COL17A1: variants seen among roughly 807,000 people sequenced by gnomAD.
COL17A1 encodes the protein collagen alpha-1(XVII) chain.
A neutral mutation model predicts 218.4 loss-of-function variants in COL17A1; 181 were observed. The observed-to-expected ratio is 0.83, with a 90% confidence interval of 0.73 to 0.94. The LOEUF is 0.94. Among genes scored for constraint, COL17A1 ranks in the 40% least tolerant of loss-of-function variants. The probability of loss-of-function intolerance (pLI) is 0.00; values close to 1 mark genes in which losing one functional copy is unlikely to be tolerated. For missense variants in COL17A1, 1,924 were observed against 1,945.9 expected, an observed-to-expected ratio of 0.99 and a Z score of 0.21; for synonymous variants, 721 against 731.0, an observed-to-expected ratio of 0.99 and a Z score of 0.22.
chr10:104,059,734 A>G lies in COL17A1; in HGVS notation c.1142-16T>C, dbSNP rs1388642109. On this transcript the variant is annotated splice_polypyrimidine_tract_variant and intron_variant, in intron 14 of 55. Coordinates refer to ENST00000648076, the MANE Select transcript of COL17A1 (RefSeq NM_000494.4). ...GAAAAAGAAGCTATGTACAGAACCCATTATAACCTGGCATATTCTCTTCTC... is the reference window on the plus strand; with the variant it reads ...GAAAAAGAAGCTATGTACAGAACCCGTTATAACCTGGCATATTCTCTTCTC... The G allele has an allele frequency of 1.4e-5, 22 of 1,612,736 alleles. No individual in the cohort carries two copies. The highest frequency in any genetic ancestry group is 1.9e-5 in the Non-Finnish European group (22 of 1,178,778).
At position 104,035,496 on chromosome 10, in the gene COL17A1, C is replaced by T. The variant is rs2086270968; in HGVS notation, c.3486G>A (p.Glu1162=). ...GPPGLPGTSY[E]ELLSLLRGSE... ...TACCTCGCAGCAAGGAGAGGAGCTC[C>T]TCATAGGAGGTTCCCGGCAAGCCAG... is the stretch of plus-strand genomic sequence containing the variant. Residue 1162 remains glutamate (E), a synonymous_variant, in exon 49 of 56, where the codon GAG becomes GAA. Transcript: ENST00000648076. 2 of 1,613,866 alleles carry T rather than the reference C, an allele frequency of 1.2e-6. No individual in the cohort carries two copies. Among genetic ancestry groups the T allele is most frequent in the East Asian group, 4.5e-5 (2 of 44,866 alleles).
intron 41 of COL17A1, 79 bp from the exon 42 acceptor site, chr10:104,039,719 C>A: frequency 6.3e-7 from 1 of 1,593,948 alleles, no homozygotes; most frequent in South Asian, 1.1e-5. Flanking sequence ...TCCCCAAGAT[C>A]CATGATTGCT....
rs17116471 is a variant in COL17A1, at chr10:104,080,664, T to C, written c.10A>G (p.Thr4Ala). The C allele has an allele frequency of 7.6e-3, 12,307 of 1,613,286 alleles. 1,179 individuals carry two copies. In the Admixed American group the frequency reaches 0.16, roughly 21 times the overall value. The change falls in exon 2 of 56, where the codon ACC (threonine) becomes GCC (alanine). Residue 4 changes from threonine (T) to alanine (A), a missense_variant. By Grantham distance (58) the Thr-to-Ala change is moderately conservative. Transcript: ENST00000648076. MDV[T>A]KKNKRDGTEV... ...GTTCCATCTCGTTTGTTTTTCTTGG[T>C]TACATCCATACCATAGCCACCTGCA...
chr10:104,078,395 T>G, intron 3 of COL17A1, 147 bp downstream of exon 3: 1 of 1,019,788 alleles, frequency 9.8e-7, no homozygotes, highest in Non-Finnish European at 1.5e-6. Flanking sequence ...CACTTCAAAC[T>G]GGCGAATTCT....
chr10:104,083,858 T>C (rs540004275), intron 1 of COL17A1, among the ~76,000 whole-genome samples: 10 of 152,390 alleles, frequency 6.6e-5, no homozygotes, highest in Admixed American at 2.6e-4. Flanking sequence ...GTTCCTATAC[T>C]CTGCTAATGA....
At chr10:104,060,420 T>C (rs2086572919) in intron 13 of COL17A1, 140 bp from the exon 14 acceptor site, 2 of 1,289,716 alleles carry the variant, frequency 1.6e-6, no homozygotes, top group South Asian at 2.6e-5. Context: ...TCTCTTGTTC[T>C]TGCTGACAGT....
At chr10:104,050,598 C>T (rs1158454305) in intron 27 of COL17A1, 23 bp downstream of exon 27, 2 of 1,612,640 alleles carry the variant, frequency 1.2e-6, no homozygotes, top group Non-Finnish European at 1.7e-6. Context: ...CTGGTAATGA[C>T]AGAGCAGCAG....
In COL17A1 at chr10:104,036,536, A is replaced by G. The variant is rs2086300816; in HGVS notation, c.3374T>C (p.Leu1125Ser). ...GASGDGSLLS[L>S]DYAELSSRIL... is the part of the protein sequence containing the mutation. ...GCGACTACTCAGCTCTGCATAGTCCAAAGACAGGAGGGACCCATCTCCACT... is the reference window on the plus strand; with the variant it reads ...GCGACTACTCAGCTCTGCATAGTCCGAAGACAGGAGGGACCCATCTCCACT... Residue 1125 changes from leucine to serine, a missense_variant, in exon 48 of 56, where the codon TTG (leucine) becomes TCG (serine). Physicochemically the swap from Leu to Ser is moderately radical, Grantham distance 145 (BLOSUM62 -2). Coordinates refer to ENST00000648076, the MANE Select transcript of COL17A1 (RefSeq NM_000494.4). 1 of 1,613,984 alleles carries G rather than the reference A, an allele frequency of 6.2e-7. No individual in the cohort carries two copies. Among genetic ancestry groups the G allele is most frequent in the Non-Finnish European group, 8.5e-7 (1 of 1,179,942 alleles).
At chr10:104,061,560 C>A (rs1281689797) in intron 12 of COL17A1, 87 bp from the exon 13 acceptor site, 1 of 1,069,604 alleles carries the variant, frequency 9.3e-7, no homozygotes, top group Non-Finnish European at 1.4e-6. Context: ...AGAGGTACCC[C>A]CGACCCTCTC....
chr10:104,063,173 G>T (rs567500615), intron 11 of COL17A1, among the ~76,000 whole-genome samples: 1 of 152,174 alleles, frequency 6.6e-6, no homozygotes, highest in Non-Finnish European at 1.5e-5. Flanking sequence ...CATGGAGAAG[G>T]CAGACTCCTT....
At chr10:104,062,632 A>G (rs1486853321) in intron 11 of COL17A1, among the ~76,000 whole-genome samples, 1 of 152,210 alleles carries the variant, frequency 6.6e-6, no homozygotes, top group Non-Finnish European at 1.5e-5. Flanking sequence ...ATTTTAAAAT[A>G]TCATAGGGGT....
At chr10:104,078,508 T>C (rs779350126) in intron 3 of COL17A1, 34 bp downstream of exon 3, 25 of 1,614,036 alleles carry the variant, frequency 1.5e-5, no homozygotes, top group Non-Finnish European at 1.9e-5. Flanking sequence ...AAATGTGACC[T>C]ACTGAAAAGA....
At chr10:104,077,303 T>TGA in intron 4 of COL17A1, 119 bp downstream of exon 4, 6 of 770,230 alleles carry the variant, frequency 7.8e-6, no homozygotes, top group Non-Finnish European at 1.4e-5. Flanking sequence ...TGATTGTAAT[T>TGA]GTCCCTTTTG....
intron 22 of COL17A1, 37 bp downstream of exon 22, chr10:104,053,883 T>G: frequency 8.3e-7 from 1 of 1,198,032 alleles, no homozygotes; most frequent in Non-Finnish European, 1.2e-6. Context: ...AATGAAAGAA[T>G]GAGGAATAAA....
At chr10:104,043,708 C>T (rs2086383237) in intron 34 of COL17A1, 117 bp downstream of exon 34, 19 of 1,512,616 alleles carry the variant, frequency 1.3e-5, no homozygotes, top group Admixed American at 1.7e-5. Context: ...TTCCCTCCTC[C>T]CCCGCTACTG....
At position 104,046,740 on chromosome 10, in the gene COL17A1, G is replaced by A. The variant is rs199555448; in HGVS notation, c.2362+7C>T. ...AGACAGCAGGTGGGAATGATCCAGC[G>A]ACTCACCCTGAGGTCCCTGGGGTCC... On this transcript the variant is annotated splice_region_variant and intron_variant, in intron 32 of 55. Coordinates refer to ENST00000648076, the MANE Select transcript of COL17A1 (RefSeq NM_000494.4). 1.5e-4 allele frequency: 237 copies of A among 1,613,834 alleles called. 1 individual carries two copies. The Middle Eastern group carries it at 3.1e-3, about 21-fold the overall frequency.
At position 104,037,019 on chromosome 10, in the gene COL17A1, C is replaced by T. The variant is rs367750327; in HGVS notation, c.3277+26G>A. The T allele has an allele frequency of 6.9e-6, 11 of 1,586,570 alleles. No individual in the cohort carries two copies. In the African/African-American group the frequency reaches 1.5e-4, roughly 21 times the overall value. On this transcript the variant is annotated intron_variant, in intron 47 of 55. Transcript: ENST00000648076. ...CAGGAGAAAGCAAAGATAGTCCCAC[C>T]CTCGATCCCCCCACAGGTGACTCAC...
intron 17 of COL17A1, among the ~76,000 whole-genome samples, chr10:104,056,683 C>A (rs1289403223): frequency 6.6e-6 from 1 of 152,176 alleles, no homozygotes; most frequent in East Asian, 1.9e-4. Context: ...GACCTTGTTA[C>A]CAAGGGCAGC....
intron 30 of COL17A1, 75 bp downstream of exon 30, chr10:104,047,994 A>C: frequency 6.4e-7 from 1 of 1,567,272 alleles, no homozygotes. Context: ...ACTATGGTTA[A>C]GGGGACTGAG....
Sources: gnomAD v4.1 joint callset for allele counts (sites outside exome capture counted in the v4.1 genomes callset) on GRCh38, gnomAD v4.1.1 for gene constraint, MANE v1.5 for transcripts, NCBI Gene and HGNC (gene_info 2026-07-23, HGNC 2026-07-21) for gene names.